Variants in ACSM1 observed in about 807,000 individuals in gnomAD.
ACSM1 encodes the protein acyl-coenzyme A synthetase ACSM1, mitochondrial.
A neutral mutation model predicts 75.8 loss-of-function variants in ACSM1; 79 were observed. The ratio of observed to expected loss-of-function variants is 1.04; its 90% confidence interval spans 0.87 to 1.26. ACSM1 has a LOEUF of 1.26. ACSM1 is among the 50% of genes most tolerant of loss of function. The pLI is 0.00. For synonymous variants in ACSM1, 279 were observed against 265.8 expected (o/e 1.05, Z -0.48); for missense variants, 676 against 720.1 (o/e 0.94, Z 0.70).
chr16:20,655,990 AT>A (rs1227037531), intron 7 of ACSM1, among the ~76,000 whole-genome samples: 3 of 152,108 alleles, frequency 2.0e-5, no homozygotes, highest in Admixed American at 6.6e-5. Context: ...AAGTTTTTAA[AT>A]TTTTAATTGT....
intron 2 of ACSM1, among the ~76,000 whole-genome samples, chr16:20,685,819 C>CAA (rs71842093): frequency 0.24 from 11,884 of 49,268 alleles, 2,880 homozygotes; most frequent in Non-Finnish European, 0.31. Flanking sequence ...GACTCCGTCT[C>CAA]AAAAAAAAAA....
intron 2 of ACSM1, among the ~76,000 whole-genome samples, chr16:20,688,946 T>C (rs1391289497): frequency 6.7e-6 from 1 of 149,160 alleles, no homozygotes; most frequent in African/African-American, 2.4e-5. Context: ...TAAAAATAAT[T>C]ATAAATATAT....
At chr16:20,636,639 G>T (rs2017724312) in intron 10 of ACSM1, 100 bp downstream of exon 10, 3 of 816,672 alleles carry the variant, frequency 3.7e-6, no homozygotes, top group South Asian at 1.6e-5. Flanking sequence ...TCATTTCATT[G>T]AGTTAGAGCA....
At chr16:20,672,749 AT>A (rs1245888682) in intron 4 of ACSM1, among the ~76,000 whole-genome samples, 1 of 122,478 alleles carries the variant, frequency 8.2e-6, no homozygotes, top group Non-Finnish European at 1.6e-5. Flanking sequence ...TATATATAAT[AT>A]TTATGCTTAT....
chr16:20,637,991 C>T (rs910538999), intron 8 of ACSM1, among the ~76,000 whole-genome samples: 3 of 152,156 alleles, frequency 2.0e-5, no homozygotes, highest in Non-Finnish European at 4.4e-5. Context: ...CAGGATGCCC[C>T]AGTGTGTGTG....
Position 20,677,233 on chromosome 16 carries a change from A to AC in ACSM1, c.611+5022_611+5023insG, listed in dbSNP as rs1238979558. Among the ~76,000 whole-genome samples, 4 of 151,938 alleles carry AC rather than the reference A, an allele frequency of 2.6e-5. 1 individual carries two copies. The highest frequency in any genetic ancestry group is 2.1e-4 in the South Asian group (1 of 4,798). On this transcript the variant is annotated intron_variant, in intron 4 of 13. Transcript: ENST00000520010. The stretch of plus-strand genomic sequence containing the variant: ...GAAGACTTTTAAAGAAATTAAAAAA[A>AC]AAAAAAAAGCCTTGACTCAGGCCCC...
chr16:20,672,448 C>CA (rs528742963), intron 4 of ACSM1, among the ~76,000 whole-genome samples: 251 of 21,888 alleles, frequency 0.011, 6 homozygotes, highest in Middle Eastern at 0.083. Flanking sequence ...AACTCCATCT[C>CA]AAAAAAAAAA....
intron 2 of ACSM1, 97 bp from the exon 3 acceptor site, chr16:20,685,500 A>G (rs2079531796): frequency 2.6e-6 from 3 of 1,156,326 alleles, no homozygotes; most frequent in Non-Finnish European, 3.9e-6. Context: ...CAATGTGAAC[A>G]CAGCTTAAGG....
chr16:20,681,629 C>G (rs2079447769), intron 4 of ACSM1: 1 of 152,732 alleles, frequency 6.5e-6, no homozygotes, highest in African/African-American at 2.4e-5. Flanking sequence ...ATATCAGCCA[C>G]TGCCAGTAGA....
chr16:20,638,216 G>A (rs2017836748), intron 8 of ACSM1, among the ~76,000 whole-genome samples: 1 of 152,146 alleles, frequency 6.6e-6, no homozygotes, highest in Admixed American at 6.5e-5. Context: ...CTCCATCAAA[G>A]GGTAATAATG....
intron 4 of ACSM1, among the ~76,000 whole-genome samples, chr16:20,672,706 T>C (rs1198532139): frequency 7.9e-6 from 1 of 126,198 alleles, no homozygotes; most frequent in Non-Finnish European, 1.6e-5. Flanking sequence ...AGTATATATA[T>C]ACATATACAT....
intron 4 of ACSM1, among the ~76,000 whole-genome samples, chr16:20,673,539 G>A (rs1446995380): frequency 2.6e-5 from 4 of 152,196 alleles, no homozygotes; most frequent in Admixed American, 6.5e-5. Context: ...TGGTTTGTGT[G>A]TATAATGTGA....
intron 7 of ACSM1, among the ~76,000 whole-genome samples, chr16:20,644,561 A>G (rs1420924436): frequency 6.6e-6 from 1 of 151,926 alleles, no homozygotes. Flanking sequence ...ACACACACAC[A>G]CACACACACA....
At chr16:20,631,723 G>A (rs2017358468) in intron 10 of ACSM1, among the ~76,000 whole-genome samples, 1 of 152,184 alleles carries the variant, frequency 6.6e-6, no homozygotes, top group African/African-American at 2.4e-5. Context: ...TGGCAACTTG[G>A]AAGGAGCTGG....
At chr16:20,677,226 T>TAA (rs34392148) in intron 4 of ACSM1, among the ~76,000 whole-genome samples, 85 of 130,074 alleles carry the variant, frequency 6.5e-4, no homozygotes, top group African/African-American at 1.2e-3. Flanking sequence ...TTAAAGAAAT[T>TAA]AAAAAAAAAA....
chr16:20,650,377 G>A (rs1046161358), intron 7 of ACSM1, among the ~76,000 whole-genome samples: 5 of 152,044 alleles, frequency 3.3e-5, no homozygotes, highest in African/African-American at 1.2e-4. Context: ...GGTGATCAGG[G>A]GACTCGTGGG....
At chr16:20,643,353 A>T (rs1218724875) in intron 7 of ACSM1, among the ~76,000 whole-genome samples, 1 of 152,234 alleles carries the variant, frequency 6.6e-6, no homozygotes, top group Non-Finnish European at 1.5e-5. Flanking sequence ...GATAGGTGAT[A>T]GTCCCTTTGT....
rs768457597 is a variant in ACSM1, at chr16:20,682,465, TG to T, written c.404-3del. 1.2e-6 allele frequency: 2 copies of T among 1,612,256 alleles called. No homozygotes were observed. Among genetic ancestry groups the T allele is most frequent in the Middle Eastern group, 1.7e-4 (1 of 6,052 alleles). ...TGGTCGCAGGAATGAAGATGATCCC[TG>T]GGGATGAGAAAGGAACTGATTGTTT... On this transcript the variant is annotated splice_region_variant and splice_polypyrimidine_tract_variant and intron_variant, in intron 3 of 13. Coordinates refer to ENST00000520010, the MANE Select transcript of ACSM1 (RefSeq NM_001318890.3).
rs763597029 is a variant in ACSM1, at chr16:20,682,437, G to C, written c.430C>G (p.Leu144Val). Reference protein sequence around the residue: ...TGIIFIPATILLKAKDILYRL... With the variant: ...TGIIFIPATIVLKAKDILYRL... ...TAGAGAATGTCTTTGGCCTTCAACA[G>C]GATGGTCGCAGGAATGAAGATGATC... The change falls in exon 4 of 14, where the codon CTG (leucine) becomes GTG (valine). Residue 144 changes from leucine (L) to valine (V), a missense_variant. Coordinates refer to ENST00000520010, the MANE Select transcript of ACSM1 (RefSeq NM_001318890.3). 1.2e-6 allele frequency: 2 copies of C among 1,613,594 alleles called. No homozygotes were observed. Among genetic ancestry groups the C allele is most frequent in the African/African-American group, 1.3e-5 (1 of 74,908 alleles).
Sources: allele counts gnomAD v4.1 joint callset (sites outside exome capture counted in the v4.1 genomes callset), GRCh38; gene constraint gnomAD v4.1.1; transcripts MANE v1.5; gene names NCBI Gene and HGNC (gene_info 2026-07-23, HGNC 2026-07-21).